ZNF804A: variants seen among roughly 807,000 people sequenced by gnomAD.
ZNF804A encodes the protein zinc finger protein 804A.
ZNF804A carries 2 observed loss-of-function variants against 16.5 expected under a neutral mutation model. The observed-to-expected ratio is 0.12, with a 90% CI of 0.05 to 0.38. The LOEUF is 0.38. Ranked by LOEUF, ZNF804A falls within the 10% of genes least tolerant of loss-of-function variation. The pLI is 0.99. For synonymous variants in ZNF804A, 534 were observed against 489.6 expected (o/e 1.09, Z -1.20); for missense variants, 1,473 against 1,390.7 (o/e 1.06, Z -0.94).
chr2:184,652,917 C>T (rs1477562741), intron 1 of ZNF804A, among the ~76,000 whole-genome samples: 3 of 152,108 alleles, frequency 2.0e-5, no homozygotes, highest in Admixed American at 6.6e-5. Context: ...CCCTGCCACC[C>T]TATGAAAAGG....
chr2:184,838,708 A>G (rs1388026790), intron 1 of ZNF804A, among the ~76,000 whole-genome samples: 1 of 152,106 alleles, frequency 6.6e-6, no homozygotes, highest in African/African-American at 2.4e-5. Context: ...GTTGTATCAA[A>G]GTATAGCCAT....
chr2:184,916,337 C>T (rs1158465594), intron 2 of ZNF804A, among the ~76,000 whole-genome samples: 4 of 151,998 alleles, frequency 2.6e-5, no homozygotes, highest in Admixed American at 6.6e-5. Flanking sequence ...TGTTATTAAT[C>T]TAAATATATA....
At chr2:184,763,835 G>A (rs531134772) in intron 1 of ZNF804A, among the ~76,000 whole-genome samples, 1 of 151,220 alleles carries the variant, frequency 6.6e-6, no homozygotes, top group South Asian at 2.1e-4. Flanking sequence ...GTAGAGATGG[G>A]GTTTCACCGT....
At chr2:184,675,971 A>C (rs534303911) in intron 1 of ZNF804A, among the ~76,000 whole-genome samples, 1 of 151,760 alleles carries the variant, frequency 6.6e-6, no homozygotes, top group Non-Finnish European at 1.5e-5. Flanking sequence ...TTATTAAAAA[A>C]AATTCAGTAA....
At chr2:184,874,223 G>A (rs1012372261) in intron 2 of ZNF804A, among the ~76,000 whole-genome samples, 2 of 152,022 alleles carry the variant, frequency 1.3e-5, no homozygotes, top group African/African-American at 4.8e-5. Flanking sequence ...ACAAAACTCA[G>A]GATAGTGGTT....
At chr2:184,773,703 C>T (rs915902024) in intron 1 of ZNF804A, among the ~76,000 whole-genome samples, 9 of 151,420 alleles carry the variant, frequency 5.9e-5, no homozygotes, top group Admixed American at 1.3e-4. Context: ...GTACAATGTA[C>T]ACTGCTCGGT....
intron 1 of ZNF804A, among the ~76,000 whole-genome samples, chr2:184,813,629 T>C (rs534938201): frequency 2.6e-5 from 4 of 152,140 alleles, no homozygotes; most frequent in African/African-American, 9.6e-5. Flanking sequence ...ATTTAAGAAG[T>C]GAATGAAAGT....
At chr2:184,609,561 G>A (rs992855529) in intron 1 of ZNF804A, among the ~76,000 whole-genome samples, 1 of 152,206 alleles carries the variant, frequency 6.6e-6, no homozygotes, top group African/African-American at 2.4e-5. Context: ...CAGAATTCTG[G>A]AGTCTGGGAA....
chr2:184,870,222 A>G (rs1415947377), intron 2 of ZNF804A, among the ~76,000 whole-genome samples: 1 of 152,012 alleles, frequency 6.6e-6, no homozygotes, highest in African/African-American at 2.4e-5. Context: ...GCAAAGTGCA[A>G]TGCTTTCATT....
chr2:184,696,339 T>C (rs770894200), intron 1 of ZNF804A, among the ~76,000 whole-genome samples: 8 of 152,288 alleles, frequency 5.3e-5, no homozygotes, highest in Admixed American at 4.6e-4. Flanking sequence ...CAAGTTAGGA[T>C]TGAAATCTCA....
rs1685825756 is a variant in ZNF804A at position 184,938,159 on chromosome 2, T to C, written c.2763T>C (p.Ala921=). The part of the protein sequence containing the change: ...SNDPTTSVCV[A]SAPTKEAIDN... ...ATCCCACCACATCTGTCTGTGTAGC[T>C]AGTGCCCCAACAAAAGAAGCAATTG... Residue 921 remains alanine (A), a synonymous_variant, in exon 4 of 4, where the codon GCT becomes GCC. Transcript: ENST00000302277. 1.9e-6 allele frequency: 3 copies of C among 1,614,132 alleles called. No homozygotes were observed. Among genetic ancestry groups the C allele is most frequent in the East Asian group, 2.2e-5 (1 of 44,850 alleles).
At position 184,711,212 on chromosome 2, in the gene ZNF804A, A is replaced by G. The variant is rs1411837403; in HGVS notation, c.111+112142A>G. ...ATAGTAGCCATTCGAACAGGAGTGTAGTGATATTTTGTTGTGGTTTTGATT... is the reference window on the plus strand; with the variant it reads ...ATAGTAGCCATTCGAACAGGAGTGTGGTGATATTTTGTTGTGGTTTTGATT... On this transcript the variant is annotated intron_variant, in intron 1 of 3. Transcript: ENST00000302277. Among the ~76,000 whole-genome samples the G allele has an allele frequency of 2.0e-5, 3 of 151,608 alleles. No individual in the cohort carries two copies. In the East Asian group the frequency reaches 5.8e-4, roughly 29 times the overall value.
At chr2:184,830,546 A>G (rs1356773063) in intron 1 of ZNF804A, among the ~76,000 whole-genome samples, 1 of 152,128 alleles carries the variant, frequency 6.6e-6, no homozygotes, top group Non-Finnish European at 1.5e-5. Flanking sequence ...TTGAGAGGTG[A>G]TTTAAATAAG....
intron 2 of ZNF804A, among the ~76,000 whole-genome samples, chr2:184,896,414 GC>G (rs752170569): frequency 6.6e-6 from 1 of 152,094 alleles, no homozygotes; most frequent in African/African-American, 2.4e-5. Context: ...GAGTCATGGC[GC>G]CATCAATCAA....
At chr2:184,703,424 C>A (rs551408621) in intron 1 of ZNF804A, among the ~76,000 whole-genome samples, 4 of 151,718 alleles carry the variant, frequency 2.6e-5, no homozygotes, top group Non-Finnish European at 5.9e-5. Context: ...CAATGCAGGC[C>A]GGGCTTTGTG....
intron 1 of ZNF804A, among the ~76,000 whole-genome samples, chr2:184,843,158 A>G (rs1695462298): frequency 6.6e-6 from 1 of 152,200 alleles, no homozygotes; most frequent in Admixed American, 6.5e-5. Flanking sequence ...TTTGAGCACA[A>G]GAGATCACTC....
intron 1 of ZNF804A, among the ~76,000 whole-genome samples, chr2:184,862,975 T>G (rs952056788): frequency 2.0e-5 from 3 of 152,116 alleles, no homozygotes; most frequent in Admixed American, 1.3e-4. Context: ...CATCCTGATT[T>G]AGAGAGATAT....
chr2:184,806,532 A>AT lies in ZNF804A; in HGVS notation c.112-59831dup, dbSNP rs1201305660. ...CAATCAGGAATGATGAGCAAGAAAT[A>AT]TTTTTTCAAGCCAGATAAAATAATA... is the stretch of plus-strand genomic sequence containing the variant. On this transcript the variant is annotated intron_variant, in intron 1 of 3. Transcript: ENST00000302277. Among the ~76,000 whole-genome samples, 4 of 151,958 alleles carry AT rather than the reference A, an allele frequency of 2.6e-5. No homozygotes were observed. The South Asian group carries it at 6.2e-4, about 24-fold the overall frequency.
At chr2:184,913,645 G>C (rs917458747) in intron 2 of ZNF804A, among the ~76,000 whole-genome samples, 2 of 152,190 alleles carry the variant, frequency 1.3e-5, no homozygotes, top group Middle Eastern at 3.4e-3. Context: ...TGATCATTCA[G>C]TTCCTGTAAA....
Sources: gnomAD v4.1 joint callset for allele counts (sites outside exome capture counted in the v4.1 genomes callset) on GRCh38, gnomAD v4.1.1 for gene constraint, MANE v1.5 for transcripts, NCBI Gene and HGNC (gene_info 2026-07-23, HGNC 2026-07-21) for gene names.